Variants in BBS9 observed in about 807,000 individuals in gnomAD.
BBS9 encodes Bardet-Biedl syndrome 9, also known as protein PTHB1.
BBS9 carries 89 observed loss-of-function variants against 117.7 expected under a neutral mutation model. The ratio of observed to expected loss-of-function variants is 0.76; its 90% CI spans 0.64 to 0.90. BBS9 has a LOEUF of 0.90. BBS9 is among the 40% of genes least tolerant of loss of function. The pLI, the probability that BBS9 is intolerant of heterozygous loss-of-function variation, is 0.00. For missense variants in BBS9, 982 were observed against 1,042.2 expected, an observed-to-expected ratio of 0.94 and a Z score of 0.80; for synonymous variants, 379 against 370.9, an observed-to-expected ratio of 1.02 and a Z score of -0.25.
intron 5 of BBS9, among the ~76,000 whole-genome samples, chr7:33,209,814 G>T (rs1787668993): frequency 6.6e-6 from 1 of 151,960 alleles, no homozygotes; most frequent in African/African-American, 2.4e-5. Flanking sequence ...CTAAAGGTTT[G>T]TCAATTTTAT....
intron 19 of BBS9, among the ~76,000 whole-genome samples, chr7:33,413,618 A>G (rs1563143439): frequency 6.6e-6 from 1 of 152,142 alleles, no homozygotes; most frequent in Non-Finnish European, 1.5e-5. Context: ...TTACAAGACC[A>G]CCTAGCACAG....
intron 20 of BBS9, among the ~76,000 whole-genome samples, chr7:33,532,976 A>G (rs1412387987): frequency 6.6e-6 from 1 of 152,172 alleles, no homozygotes; most frequent in Non-Finnish European, 1.5e-5. Flanking sequence ...TCACATTCAC[A>G]GCAACACCCA....
chr7:33,324,786 A>G (rs969290297), intron 9 of BBS9, among the ~76,000 whole-genome samples: 2 of 152,096 alleles, frequency 1.3e-5, no homozygotes, highest in African/African-American at 4.8e-5. Context: ...TCAGTGCTTT[A>G]AATATATCAT....
chr7:33,394,468 G>A (rs1258268409), intron 19 of BBS9, among the ~76,000 whole-genome samples: 4 of 152,058 alleles, frequency 2.6e-5, no homozygotes, highest in Non-Finnish European at 4.4e-5. Context: ...CAGTATGTGG[G>A]TGGTGAAATA....
chr7:33,205,283 C>T (rs1786685424), intron 5 of BBS9, among the ~76,000 whole-genome samples: 1 of 152,164 alleles, frequency 6.6e-6, no homozygotes, highest in Non-Finnish European at 1.5e-5. Context: ...AGTGTTTTCA[C>T]AGTGCTTGTT....
At chr7:33,486,524 A>C (rs568057027) in intron 19 of BBS9, among the ~76,000 whole-genome samples, 1 of 152,354 alleles carries the variant, frequency 6.6e-6, no homozygotes, top group Admixed American at 6.5e-5. Context: ...AAGTGAATAA[A>C]TCCCTTCAAA....
chr7:33,255,741 T>C (rs1344349291), intron 5 of BBS9, among the ~76,000 whole-genome samples: 6 of 152,244 alleles, frequency 3.9e-5, no homozygotes, highest in Admixed American at 3.9e-4. Context: ...GATGAGATTC[T>C]TTTTGTCTGA....
At chr7:33,149,080 A>T (rs1792880460) in intron 2 of BBS9, among the ~76,000 whole-genome samples, 1 of 152,252 alleles carries the variant, frequency 6.6e-6, no homozygotes, top group East Asian at 1.9e-4. Flanking sequence ...AAAGAAACTT[A>T]GCTGTGAATT....
intron 19 of BBS9, among the ~76,000 whole-genome samples, chr7:33,449,180 C>T (rs1468123891): frequency 6.6e-6 from 1 of 152,138 alleles, no homozygotes; most frequent in Non-Finnish European, 1.5e-5. Flanking sequence ...CTGTGGAATT[C>T]GTTTTTTTGC....
At chr7:33,597,668 A>T (rs1449742984) in intron 21 of BBS9, among the ~76,000 whole-genome samples, 2 of 151,290 alleles carry the variant, frequency 1.3e-5, no homozygotes, top group Non-Finnish European at 2.9e-5. Flanking sequence ...ATCCATTAAG[A>T]TCTTCCTGCA....
At chr7:33,473,675 T>C (rs528886922) in intron 19 of BBS9, among the ~76,000 whole-genome samples, 1 of 152,344 alleles carries the variant, frequency 6.6e-6, no homozygotes, top group South Asian at 2.1e-4. Context: ...AAAATCATTG[T>C]ATTTGCATGG....
At chr7:33,222,475 C>T (rs1436854770) in intron 5 of BBS9, among the ~76,000 whole-genome samples, 1 of 152,076 alleles carries the variant, frequency 6.6e-6, no homozygotes, top group Admixed American at 6.6e-5. Flanking sequence ...ACCATTATTG[C>T]CTGAATTTGA....
chr7:33,623,733 G>A (rs898758496), intron 21 of BBS9, among the ~76,000 whole-genome samples: 4 of 152,174 alleles, frequency 2.6e-5, no homozygotes, highest in African/African-American at 9.7e-5. Flanking sequence ...GAATCTCAGA[G>A]ACAGAAGCAA....
In BBS9 at chr7:33,351,229, G is replaced by T; in HGVS notation, c.1443G>T (p.Leu481Phe). 4 of 1,604,552 alleles carry T rather than the reference G, an allele frequency of 2.5e-6. No individual in the cohort carries two copies. In the South Asian group the frequency reaches 4.4e-5, roughly 18 times the overall value. Residue 481 changes from leucine (L) to phenylalanine (F), a missense_variant, in exon 14 of 23, where the codon TTG becomes TTT. Transcript: ENST00000242067. ...TTACATTGCTTATAGCACCAGATTT[G>T]ACTAGAACAGTAAGCTTTTCTGTTT... The part of the protein sequence containing the change: ...QFTFEFMTPD[L>F]TRTVSFSVYL...
intron 19 of BBS9, among the ~76,000 whole-genome samples, chr7:33,504,786 T>C (rs1228149039): frequency 6.6e-6 from 1 of 152,202 alleles, no homozygotes; most frequent in East Asian, 1.9e-4. Context: ...AAGTCAATTC[T>C]ACTCACTCCT....
intron 19 of BBS9, among the ~76,000 whole-genome samples, chr7:33,473,864 A>T (rs1841434930): frequency 6.6e-6 from 1 of 152,206 alleles, no homozygotes; most frequent in Admixed American, 6.5e-5. Context: ...AAAGGCAGGG[A>T]ATCATATCTT....
intron 21 of BBS9, among the ~76,000 whole-genome samples, chr7:33,546,570 A>G (rs1391657150): frequency 1.3e-5 from 2 of 152,214 alleles, no homozygotes; most frequent in African/African-American, 4.8e-5. Context: ...TTACTAGAAC[A>G]TTATTTTTCT....
intron 5 of BBS9, among the ~76,000 whole-genome samples, chr7:33,253,852 A>G (rs973486343): frequency 4.6e-5 from 7 of 152,192 alleles, no homozygotes; most frequent in Non-Finnish European, 1.0e-4. Context: ...TGAGAAGAAC[A>G]TAATAATATG....
At chr7:33,274,854 G>A (rs1367623567) in intron 9 of BBS9, among the ~76,000 whole-genome samples, 1 of 152,022 alleles carries the variant, frequency 6.6e-6, no homozygotes, top group Non-Finnish European at 1.5e-5. Flanking sequence ...AATTAGCCAG[G>A]TGTGGCGGCG....
Sources: gnomAD v4.1 joint callset for allele counts (sites outside exome capture counted in the v4.1 genomes callset) on GRCh38, gnomAD v4.1.1 for gene constraint, MANE v1.5 for transcripts, NCBI Gene and HGNC (gene_info 2026-07-23, HGNC 2026-07-21) for gene names.